YWHAG: variants seen among roughly 807,000 people sequenced by gnomAD.
YWHAG encodes the protein tyrosine 3-monooxygenase/tryptophan 5-monooxygenase activation protein gamma, also known as 14-3-3 protein gamma.
YWHAG carries 1 observed loss-of-function variant against 23.3 expected under a neutral mutation model. That is an observed-to-expected ratio of 0.04 (90% CI 0.02 to 0.20). The LOEUF (loss-of-function observed/expected upper bound fraction) is 0.20, where lower values mean the gene tolerates loss of function less well. Among genes scored for constraint, YWHAG ranks in the 10% least tolerant of loss-of-function variants. The probability of loss-of-function intolerance (pLI) is 1.00; values close to 1 mark genes in which losing one functional copy is unlikely to be tolerated. For synonymous variants in YWHAG, 160 were observed against 144.0 expected (o/e 1.11, Z -0.80); for missense variants, 151 against 338.6 (o/e 0.45, Z 4.35).
intron 1 of YWHAG, among the ~76,000 whole-genome samples, chr7:76,345,398 G>A (rs1803763755): frequency 6.6e-6 from 1 of 151,786 alleles, no homozygotes; most frequent in East Asian, 2.0e-4. Flanking sequence ...ATGTTAGCCA[G>A]GATAGTCTCA....
At chr7:76,358,650 C>T in intron 1 of YWHAG, 72 bp downstream of exon 1, 1 of 1,437,412 alleles carries the variant, frequency 7.0e-7, no homozygotes, top group Non-Finnish European at 9.4e-7. Flanking sequence ...CGACGAAGCC[C>T]CGGGCCTTCC....
chr7:76,346,913 C>CCA (rs905493733), intron 1 of YWHAG, among the ~76,000 whole-genome samples: 1 of 152,178 alleles, frequency 6.6e-6, no homozygotes, highest in African/African-American at 2.4e-5. Flanking sequence ...AAAAAGCGCA[C>CCA]CACCACAGCA....
chr7:76,330,927 C>T (rs1309500283), intron 1 of YWHAG, among the ~76,000 whole-genome samples: 4 of 152,142 alleles, frequency 2.6e-5, no homozygotes, highest in Admixed American at 1.3e-4. Flanking sequence ...TCAAGGCTCC[C>T]GCCCTCATCA....
intron 1 of YWHAG, among the ~76,000 whole-genome samples, chr7:76,348,210 C>T (rs988981844): frequency 4.0e-5 from 6 of 151,484 alleles, no homozygotes; most frequent in African/African-American, 1.2e-4. Flanking sequence ...ATCCACTTTA[C>T]CCATGACCCC....
intron 1 of YWHAG, among the ~76,000 whole-genome samples, chr7:76,356,985 T>A (rs766271468): frequency 6.6e-6 from 1 of 152,262 alleles, no homozygotes; most frequent in African/African-American, 2.4e-5. Context: ...TGACATCACT[T>A]GGTTGCTATG....
intron 1 of YWHAG, among the ~76,000 whole-genome samples, chr7:76,345,702 G>A (rs1304581513): frequency 6.6e-6 from 1 of 151,982 alleles, no homozygotes; most frequent in East Asian, 2.0e-4. Context: ...CAGCACTTTG[G>A]GAGGCCGAAG....
intron 1 of YWHAG, among the ~76,000 whole-genome samples, chr7:76,356,424 A>C (rs1478026044): frequency 6.6e-6 from 1 of 152,214 alleles, no homozygotes; most frequent in African/African-American, 2.4e-5. Flanking sequence ...AGAAGCACAA[A>C]TCTAGTAAAA....
chr7:76,336,112 C>A (rs1208320705), intron 1 of YWHAG, among the ~76,000 whole-genome samples: 4 of 152,192 alleles, frequency 2.6e-5, no homozygotes, highest in African/African-American at 7.2e-5. Context: ...CTGAAAATCT[C>A]TACAAAGAAC....
intron 1 of YWHAG, among the ~76,000 whole-genome samples, chr7:76,347,318 C>T (rs941678846): frequency 6.6e-6 from 1 of 152,170 alleles, no homozygotes; most frequent in Non-Finnish European, 1.5e-5. Context: ...AAATGTCTGC[C>T]GGGCACAGTG....
rs1198589810 is a variant in YWHAG at position 76,330,219 on chromosome 7, A to G, written c.102T>C (p.Asn34=). ...AAAMKNVTEL[N]EPLSNEERNL... is the part of the protein sequence containing the mutation. ...TTCGTTCCTCATTCGACAGTGGCTCATTCAGCTCTGTCACCTGCCAGGAGG... is the reference window on the plus strand; with the variant it reads ...TTCGTTCCTCATTCGACAGTGGCTCGTTCAGCTCTGTCACCTGCCAGGAGG... Residue 34 remains asparagine (N), a synonymous_variant, in exon 2 of 2, where the codon AAT becomes AAC. Transcript: ENST00000307630. The G allele has an allele frequency of 3.1e-6, 5 of 1,612,118 alleles. No homozygotes were observed. The highest frequency in any genetic ancestry group is 3.4e-6 in the Non-Finnish European group (4 of 1,179,834).
intron 1 of YWHAG, among the ~76,000 whole-genome samples, chr7:76,348,819 C>T (rs1212206865): frequency 6.6e-6 from 1 of 151,560 alleles, no homozygotes; most frequent in Non-Finnish European, 1.5e-5. Flanking sequence ...GGAATACAGG[C>T]GTGAGTCAGC....
chr7:76,331,322 C>T (rs1323988111), intron 1 of YWHAG, among the ~76,000 whole-genome samples: 2 of 126,850 alleles, frequency 1.6e-5, no homozygotes, highest in Non-Finnish European at 3.3e-5. Context: ...AAAGTGGTTA[C>T]TCCCTGTCCC....
At chr7:76,350,013 G>C (rs1803851207) in intron 1 of YWHAG, among the ~76,000 whole-genome samples, 1 of 152,080 alleles carries the variant, frequency 6.6e-6, no homozygotes, top group Admixed American at 6.6e-5. Context: ...CTTCCAAATT[G>C]GTAAATAATC....
chr7:76,354,452 G>A (rs887067622), intron 1 of YWHAG, among the ~76,000 whole-genome samples: 4 of 151,828 alleles, frequency 2.6e-5, no homozygotes, highest in Non-Finnish European at 5.9e-5. Flanking sequence ...CAGAGGTTGC[G>A]GTGAGCCGAG....
chr7:76,333,264 C>A (rs1803571563), intron 1 of YWHAG, among the ~76,000 whole-genome samples: 1 of 152,118 alleles, frequency 6.6e-6, no homozygotes. Context: ...GCCACTGCAT[C>A]CAGCCATTTA....
At chr7:76,334,803 C>A (rs1803594428) in intron 1 of YWHAG, among the ~76,000 whole-genome samples, 2 of 151,664 alleles carry the variant, frequency 1.3e-5, no homozygotes, top group South Asian at 4.2e-4. Flanking sequence ...AGAGAAATGG[C>A]GTGATCACAG....
intron 1 of YWHAG, among the ~76,000 whole-genome samples, chr7:76,337,714 T>C (rs1447040427): frequency 6.6e-6 from 1 of 151,964 alleles, no homozygotes; most frequent in African/African-American, 2.4e-5. Flanking sequence ...TTTCTATTTT[T>C]AGTAGAGACG....
chr7:76,358,664 C>A, intron 1 of YWHAG, 58 bp downstream of exon 1: 3 of 1,502,578 alleles, frequency 2.0e-6, no homozygotes, highest in South Asian at 2.5e-5. Context: ...GCCTTCCACG[C>A]CAAGGACCGC....
At chr7:76,348,712 G>A (rs1252018486) in intron 1 of YWHAG, among the ~76,000 whole-genome samples, 1 of 151,382 alleles carries the variant, frequency 6.6e-6, no homozygotes, top group South Asian at 2.1e-4. Flanking sequence ...CCTAATTTTT[G>A]TATTTTCTGT....
Sources: allele counts gnomAD v4.1 joint callset (sites outside exome capture counted in the v4.1 genomes callset), GRCh38; gene constraint gnomAD v4.1.1; transcripts MANE v1.5; gene names NCBI Gene and HGNC (gene_info 2026-07-23, HGNC 2026-07-21).